The following SUGCT variants were observed in gnomAD, a reference collection of about 807,000 sequenced individuals.
The protein encoded by SUGCT is succinyl-CoA:glutarate-CoA transferase, also known as succinyl-CoA:glutarate CoA-transferase.
A neutral mutation model predicts 55.0 loss-of-function variants in SUGCT; 41 were observed. The ratio of observed to expected loss-of-function variants is 0.74; its 90% CI spans 0.58 to 0.97. The LOEUF (loss-of-function observed/expected upper bound fraction) is 0.97. Among genes scored for constraint, SUGCT ranks in the 50% least tolerant of loss-of-function variants. The probability of loss-of-function intolerance (pLI) is 0.00; values close to 1 mark genes in which losing one functional copy is unlikely to be tolerated. For missense variants in SUGCT, 568 were observed against 547.8 expected (o/e 1.04, Z -0.37); for synonymous variants, 187 against 200.4 (o/e 0.93, Z 0.56).
intron 9 of SUGCT, among the ~76,000 whole-genome samples, chr7:40,326,196 G>A (rs1260593626): frequency 3.9e-5 from 6 of 152,074 alleles, no homozygotes; most frequent in Non-Finnish European, 8.8e-5. Flanking sequence ...GAAGAACTGG[G>A]CCCTTGATTT....
intron 11 of SUGCT, among the ~76,000 whole-genome samples, chr7:40,459,803 T>C (rs1323359937): frequency 3.9e-5 from 6 of 152,214 alleles, no homozygotes; most frequent in Non-Finnish European, 7.3e-5. Context: ...TCCATTTTTT[T>C]CCATTAATGT....
intron 9 of SUGCT, among the ~76,000 whole-genome samples, chr7:40,424,985 G>A (rs1787511711): frequency 1.3e-5 from 2 of 152,186 alleles, no homozygotes; most frequent in South Asian, 4.1e-4. Context: ...GGTACGTAAG[G>A]ACCCCATGTC....
chr7:40,866,277 G>A, the SUGCT span, among the ~76,000 whole-genome samples: 2 of 152,020 alleles, frequency 1.3e-5, no homozygotes, highest in South Asian at 2.1e-4. Flanking sequence ...GTGGCAACAC[G>A]CATAACACAC....
chr7:40,898,519 C>G, the SUGCT span, among the ~76,000 whole-genome samples: 1 of 121,624 alleles, frequency 8.2e-6, no homozygotes, highest in African/African-American at 2.9e-5. Context: ...GTCAGGAGAT[C>G]GAGACCATCC....
In SUGCT at chr7:40,487,291, G is replaced by A. The variant is rs1376736751; in HGVS notation, c.987-8993G>A. Among the ~76,000 whole-genome samples the A allele has an allele frequency of 2.7e-5, 3 of 111,086 alleles. No individual in the cohort carries two copies. In the East Asian group the frequency reaches 8.8e-4, roughly 32 times the overall value. The allele number at this position is 111,086 out of a possible 152,430, so 72.9% of individuals were successfully genotyped here. A position where few individuals can be genotyped will look rare whatever the true frequency, so the allele number is the denominator to read the frequency against. ...TTTTTTTTTTTTTGTATTTTTAGTA[G>A]AGAAGGGATTTCACCATGTTGGCCA... On this transcript the variant is annotated intron_variant, in intron 11 of 13. Coordinates refer to ENST00000335693, the MANE Select transcript of SUGCT (RefSeq NM_001193313.2).
intron 3 of SUGCT, 40 bp from the exon 4 acceptor site, chr7:40,188,455 A>T: frequency 8.0e-7 from 1 of 1,251,422 alleles, no homozygotes. Context: ...AAAAAAAAAA[A>T]CAAACCCCAA....
At chr7:40,256,005 A>G (rs536566625) in intron 7 of SUGCT, among the ~76,000 whole-genome samples, 1 of 152,324 alleles carries the variant, frequency 6.6e-6, no homozygotes, top group East Asian at 1.9e-4. Context: ...TTATTCCACC[A>G]TCTTGCTCCA....
intron 9 of SUGCT, among the ~76,000 whole-genome samples, chr7:40,348,956 T>G (rs1797469304): frequency 6.6e-6 from 1 of 152,228 alleles, no homozygotes. Context: ...AATTTGCTTC[T>G]TTCCCTACAT....
chr7:40,911,047 G>T, the SUGCT span, among the ~76,000 whole-genome samples: 1 of 152,064 alleles, frequency 6.6e-6, no homozygotes, highest in Non-Finnish European at 1.5e-5. Flanking sequence ...TGAAACCTTT[G>T]TACCCCCTCC....
intron 12 of SUGCT, among the ~76,000 whole-genome samples, chr7:40,526,103 T>C (rs1377986442): frequency 6.6e-6 from 1 of 152,208 alleles, no homozygotes; most frequent in Non-Finnish European, 1.5e-5. Context: ...GCTTTAAAGG[T>C]ATGCAAAAAT....
intron 13 of SUGCT, among the ~76,000 whole-genome samples, chr7:40,752,280 A>G (rs1788054444): frequency 6.6e-6 from 1 of 152,202 alleles, no homozygotes; most frequent in Non-Finnish European, 1.5e-5. Flanking sequence ...CAGAAACCAC[A>G]GTGCTATGTA....
intron 12 of SUGCT, among the ~76,000 whole-genome samples, chr7:40,710,197 T>C (rs990522546): frequency 6.6e-6 from 1 of 152,214 alleles, no homozygotes; most frequent in Non-Finnish European, 1.5e-5. Context: ...TTATGAAACA[T>C]TCTCTGCATG....
chr7:40,460,464 T>A (rs1396852292), intron 11 of SUGCT, among the ~76,000 whole-genome samples: 1 of 152,242 alleles, frequency 6.6e-6, no homozygotes, highest in Non-Finnish European at 1.5e-5. Context: ...CCTCTCTGCC[T>A]CTCAAGCATT....
chr7:40,529,611 C>A (rs1472026785), intron 12 of SUGCT, among the ~76,000 whole-genome samples: 1 of 152,186 alleles, frequency 6.6e-6, no homozygotes. Context: ...CTAGATGTTC[C>A]TTTTCATTCA....
chr7:40,986,131 A>T, the SUGCT span, among the ~76,000 whole-genome samples: 1 of 152,216 alleles, frequency 6.6e-6, no homozygotes, highest in African/African-American at 2.4e-5. Flanking sequence ...ATCCTCAGTT[A>T]TGGTGAGTTA....
intron 12 of SUGCT, among the ~76,000 whole-genome samples, chr7:40,702,184 A>G (rs754016990): frequency 6.6e-6 from 1 of 152,198 alleles, no homozygotes; most frequent in Non-Finnish European, 1.5e-5. Context: ...AGATTATCTA[A>G]GTGGTGATAG....
intron 12 of SUGCT, among the ~76,000 whole-genome samples, chr7:40,689,604 C>T (rs929816043): frequency 6.6e-6 from 1 of 152,110 alleles, no homozygotes; most frequent in Admixed American, 6.6e-5. Flanking sequence ...ATCATATAGC[C>T]AACACAGAAA....
intron 12 of SUGCT, among the ~76,000 whole-genome samples, chr7:40,535,324 C>T (rs772012748): frequency 1.1e-4 from 16 of 152,126 alleles, no homozygotes; most frequent in Non-Finnish European, 1.5e-4. Flanking sequence ...TCCCTACCCC[C>T]GGTAGTCCCC....
chr7:40,576,430 A>G (rs1307184469), intron 12 of SUGCT, among the ~76,000 whole-genome samples: 1 of 152,212 alleles, frequency 6.6e-6, no homozygotes, highest in African/African-American at 2.4e-5. Flanking sequence ...CTTAGAAGCT[A>G]TTTTGTCTCA....
Sources: allele counts gnomAD v4.1 joint callset (sites outside exome capture counted in the v4.1 genomes callset), GRCh38; gene constraint gnomAD v4.1.1; transcripts MANE v1.5; gene names NCBI Gene and HGNC (gene_info 2026-07-23, HGNC 2026-07-21).